Variants in HTR3B observed in about 807,000 individuals in gnomAD.
The protein encoded by HTR3B is 5-hydroxytryptamine (serotonin) receptor 3B, ionotropic.
Under a neutral mutation model 42.8 loss-of-function variants are expected in HTR3B, and 44 were observed. The ratio of observed to expected loss-of-function variants is 1.03; its 90% confidence interval spans 0.81 to 1.32. The LOEUF is 1.32. HTR3B is among the 40% of genes most tolerant of loss of function. HTR3B has a pLI of 0.00. For missense variants in HTR3B, 527 were observed against 536.5 expected, an observed-to-expected ratio of 0.98 and a Z score of 0.17; for synonymous variants, 203 against 209.0, an observed-to-expected ratio of 0.97 and a Z score of 0.25.
chr11:113,908,995 T>C (rs1181155094), intron 1 of HTR3B: 1 of 517,406 alleles, frequency 1.9e-6, no homozygotes, highest in African/African-American at 1.9e-5. Flanking sequence ...ATAAAGAAAT[T>C]ATTCTGTCTC....
At chr11:113,900,915 T>C (rs1016834024), upstream of HTR3B, among the ~76,000 whole-genome samples, 3 of 152,048 alleles carry the variant, frequency 2.0e-5, no homozygotes, top group African/African-American at 7.2e-5. Context: ...TCAGGTCTCA[T>C]GAGAACTCAC....
chr11:113,908,446 A>G (rs1278765510), intron 1 of HTR3B, among the ~76,000 whole-genome samples: 9 of 152,170 alleles, frequency 5.9e-5, no homozygotes, highest in Admixed American at 5.9e-4. Flanking sequence ...GAGGTGTGCA[A>G]TTTGCTTCGG....
chr11:113,924,405 C>G (rs1211699005), intron 2 of HTR3B, among the ~76,000 whole-genome samples: 1 of 151,868 alleles, frequency 6.6e-6, no homozygotes, highest in Non-Finnish European at 1.5e-5. Flanking sequence ...TGCTTGAGTC[C>G]GGGAACTTGA....
intron 6 of HTR3B, among the ~76,000 whole-genome samples, chr11:113,937,781 A>C (rs1950102742): frequency 6.6e-6 from 1 of 152,250 alleles, no homozygotes; most frequent in South Asian, 2.1e-4. Flanking sequence ...CCATTTGCCC[A>C]CTGGGCATTA....
chr11:113,933,137 C>G (rs745755169), intron 6 of HTR3B, 44 bp downstream of exon 6: 2 of 1,584,716 alleles, frequency 1.3e-6, no homozygotes, highest in Non-Finnish European at 1.7e-6. Flanking sequence ...TTCTCCCCAG[C>G]CTTTGGCCTT....
At chr11:113,922,810 C>CTG (rs1949930045) in intron 2 of HTR3B, among the ~76,000 whole-genome samples, 1 of 152,184 alleles carries the variant, frequency 6.6e-6, no homozygotes, top group Non-Finnish European at 1.5e-5. Context: ...CTGCCTTGGC[C>CTG]TCCCAAAGTG....
intron 1 of HTR3B, among the ~76,000 whole-genome samples, chr11:113,906,638 G>A (rs888281038): frequency 1.3e-5 from 2 of 152,138 alleles, no homozygotes; most frequent in Non-Finnish European, 2.9e-5. Context: ...TTCTCAGGGA[G>A]CCAGGTTACA....
upstream of HTR3B, among the ~76,000 whole-genome samples, chr11:113,902,677 A>T (rs543623131): frequency 7.2e-5 from 11 of 152,350 alleles, no homozygotes; most frequent in African/African-American, 2.4e-4. Flanking sequence ...AATTAAAATC[A>T]GGAAACCAAC....
intron 7 of HTR3B, among the ~76,000 whole-genome samples, chr11:113,943,814 A>C (rs1259113001): frequency 6.7e-6 from 1 of 149,106 alleles, no homozygotes; most frequent in Non-Finnish European, 1.5e-5. Flanking sequence ...ACGGAAGGGA[A>C]GGGGAGGGGA....
At position 113,929,014 on chromosome 11, in the gene HTR3B, C is replaced by T. The variant is rs1591580105; in HGVS notation, c.214-2370C>T. Among the ~76,000 whole-genome samples, 9 of 152,242 alleles carry T rather than the reference C, an allele frequency of 5.9e-5. No individual in the cohort carries two copies. In the South Asian group the frequency reaches 1.9e-3, roughly 32 times the overall value. ...CCTGTCCAAGCCCCTGCTTTCAGTT[C>T]TCTTGGGTGTGTACTCAGAAGTGGA... On this transcript the variant is annotated intron_variant, in intron 2 of 8. Coordinates refer to ENST00000260191, the MANE Select transcript of HTR3B (RefSeq NM_006028.5).
intron 2 of HTR3B, among the ~76,000 whole-genome samples, chr11:113,927,026 C>T (rs1407332509): frequency 6.6e-6 from 1 of 152,180 alleles, no homozygotes; most frequent in Non-Finnish European, 1.5e-5. Flanking sequence ...AGCGTCTTTT[C>T]ATGTGCTTAT....
chr11:113,906,918 A>G (rs1294433999), intron 1 of HTR3B, among the ~76,000 whole-genome samples: 1 of 152,204 alleles, frequency 6.6e-6, no homozygotes, highest in Non-Finnish European at 1.5e-5. Flanking sequence ...AGTGTTAGGA[A>G]TTCAATACAT....
chr11:113,935,573 C>T (rs1950084854), intron 6 of HTR3B, among the ~76,000 whole-genome samples: 1 of 152,174 alleles, frequency 6.6e-6, no homozygotes, highest in South Asian at 2.1e-4. Flanking sequence ...GCTCAGCCTC[C>T]ATGCATTTCT....
At chr11:113,922,431 G>T (rs776763613) in intron 2 of HTR3B, among the ~76,000 whole-genome samples, 1 of 151,842 alleles carries the variant, frequency 6.6e-6, no homozygotes, top group African/African-American at 2.4e-5. Flanking sequence ...ACTTAATTTC[G>T]CCATGTTGCC....
In HTR3B at chr11:113,935,727, C is replaced by T. The variant is rs543135884; in HGVS notation, c.696+2634C>T. 3.9e-5 allele frequency among the ~76,000 whole-genome samples: 6 copies of T among 152,324 alleles called. No individual in the cohort carries two copies. In the East Asian group the frequency reaches 1.2e-3, roughly 29 times the overall value. ...AGAGCCTGATTCTATTATGCCAACA[C>T]TGGGCCTGCCAGGGTCCTGACAGCA... On this transcript the variant is annotated intron_variant, in intron 6 of 8. Coordinates refer to ENST00000260191, the MANE Select transcript of HTR3B (RefSeq NM_006028.5).
At chr11:113,929,996 A>G (rs1246845571) in intron 2 of HTR3B, among the ~76,000 whole-genome samples, 1 of 152,110 alleles carries the variant, frequency 6.6e-6, no homozygotes. Context: ...TCAGCCTCCC[A>G]AACTGCTGGG....
At chr11:113,940,845 ACT>A (rs1257499703) in intron 6 of HTR3B, among the ~76,000 whole-genome samples, 1 of 151,814 alleles carries the variant, frequency 6.6e-6, no homozygotes, top group Non-Finnish European at 1.5e-5. Flanking sequence ...TCTTTGTGAC[ACT>A]CTTCTCCAGT....
intron 6 of HTR3B, among the ~76,000 whole-genome samples, chr11:113,934,900 G>A (rs1950076241): frequency 6.6e-6 from 1 of 152,096 alleles, no homozygotes; most frequent in Non-Finnish European, 1.5e-5. Flanking sequence ...AGTAGCACAT[G>A]CAAGGTGGAA....
intron 2 of HTR3B, among the ~76,000 whole-genome samples, chr11:113,912,601 T>A (rs1238104998): frequency 6.6e-6 from 1 of 152,168 alleles, no homozygotes; most frequent in Non-Finnish European, 1.5e-5. Flanking sequence ...GGAGGGTGTA[T>A]ACTTAATGAG....
Sources: gnomAD v4.1 joint callset for allele counts (sites outside exome capture counted in the v4.1 genomes callset) on GRCh38, gnomAD v4.1.1 for gene constraint, MANE v1.5 for transcripts, NCBI Gene and HGNC (gene_info 2026-07-23, HGNC 2026-07-21) for gene names.